Variants in SLC26A4 observed in about 807,000 individuals in gnomAD.
The protein encoded by SLC26A4 is solute carrier family 26 member 4.
Under a neutral mutation model 90.4 loss-of-function variants are expected in SLC26A4, and 93 were observed. The observed-to-expected ratio is 1.03, with a 90% CI of 0.87 to 1.22. The LOEUF (loss-of-function observed/expected upper bound fraction) is 1.22. Among genes scored for constraint, SLC26A4 ranks in the 50% most tolerant of loss-of-function variants. The pLI, the probability that SLC26A4 is intolerant of heterozygous loss-of-function variation, is 0.00. For synonymous variants in SLC26A4, 393 were observed against 354.6 expected (o/e 1.11, Z -1.22); for missense variants, 1,127 against 946.2 (o/e 1.19, Z -2.51).
At chr7:107,686,408 T>TCTTA (rs1791414519) in intron 8 of SLC26A4, among the ~76,000 whole-genome samples, 2 of 40,710 alleles carry the variant, frequency 4.9e-5, no homozygotes, top group South Asian at 7.8e-4. Flanking sequence ...CTCTCTTTTT[T>TCTTA]CTTTCTTTCT....
chr7:107,673,856 G>A (rs1028117230), intron 4 of SLC26A4, among the ~76,000 whole-genome samples: 8 of 152,080 alleles, frequency 5.3e-5, no homozygotes, highest in Non-Finnish European at 8.8e-5. Flanking sequence ...AGCCTCCCGA[G>A]TAGCTGGGAC....
At chr7:107,685,712 G>C (rs1213781627) in intron 8 of SLC26A4, among the ~76,000 whole-genome samples, 1 of 152,162 alleles carries the variant, frequency 6.6e-6, no homozygotes, top group African/African-American at 2.4e-5. Context: ...CCCATCCTGG[G>C]TGCTTTCTTA....
intron 18 of SLC26A4, 99 bp downstream of exon 18, chr7:107,704,484 T>A: frequency 1.6e-6 from 1 of 636,580 alleles, no homozygotes. Flanking sequence ...GCCTTTTTTT[T>A]TTTTCTTTTA....
At chr7:107,694,044 G>T (rs1584329321) in intron 10 of SLC26A4, among the ~76,000 whole-genome samples, 1 of 152,128 alleles carries the variant, frequency 6.6e-6, no homozygotes, top group African/African-American at 2.4e-5. Context: ...TGGGAAAGGG[G>T]GGATTGGTCC....
Position 107,717,002 on chromosome 7 carries a change from T to G in SLC26A4, c.*1556T>G, listed in dbSNP as rs1344798434. 4 of 152,186 alleles carry G rather than the reference T, an allele frequency of 2.6e-5. No homozygotes were observed. The highest frequency in any genetic ancestry group is 9.7e-5 in the African/African-American group (4 of 41,436). The allele number at this position is 152,186 out of a possible 1,614,324, so 9.4% of individuals were successfully genotyped here. A position where few individuals can be genotyped will look rare whatever the true frequency, so the allele number is the denominator to read the frequency against. Reference sequence around the variant, plus strand: ...AATCTGGTTACAGCATAACTAGGATTATAATGCTGCCTCATTTTCACAGCA... The same window carrying G: ...AATCTGGTTACAGCATAACTAGGATGATAATGCTGCCTCATTTTCACAGCA... On this transcript the variant is annotated 3_prime_UTR_variant, in exon 21 of 21. Transcript: ENST00000644269.
intron 2 of SLC26A4, among the ~76,000 whole-genome samples, chr7:107,662,834 G>A (rs1005916987): frequency 2.6e-5 from 4 of 152,110 alleles, no homozygotes; most frequent in East Asian, 3.8e-4. Flanking sequence ...CAAGGTATAA[G>A]GTATACATTC....
intron 4 of SLC26A4, among the ~76,000 whole-genome samples, chr7:107,672,786 C>G (rs542924111): frequency 1.3e-5 from 2 of 152,266 alleles, no homozygotes; most frequent in African/African-American, 2.4e-5. Flanking sequence ...GCTTGGCTTT[C>G]TTTCTTGGTA....
At chr7:107,688,153 G>C (rs1186654236) in intron 8 of SLC26A4, among the ~76,000 whole-genome samples, 2 of 152,158 alleles carry the variant, frequency 1.3e-5, no homozygotes, top group Non-Finnish European at 2.9e-5. Flanking sequence ...CAAGACAAGA[G>C]TGGTGGATTC....
At chr7:107,691,524 C>T (rs957690160) in intron 10 of SLC26A4, among the ~76,000 whole-genome samples, 3 of 87,280 alleles carry the variant, frequency 3.4e-5, no homozygotes, top group African/African-American at 1.1e-4. Flanking sequence ...TACACACACA[C>T]ACACACACAC....
Position 107,672,154 on chromosome 7 carries a change from A to G in SLC26A4, c.321A>G (p.Leu107=), listed in dbSNP as rs780863907. The G allele has an allele frequency of 1.5e-5, 24 of 1,610,758 alleles. No individual in the cohort carries two copies. In the South Asian group the frequency reaches 2.4e-4, roughly 16 times the overall value. Reference sequence around the variant, plus strand: ...TGCTTTCAGGGATGGCATATGCCCTACTAGCTGCAGTTCCTGTCGGATATG... The same window carrying G: ...TGCTTTCAGGGATGGCATATGCCCTGCTAGCTGCAGTTCCTGTCGGATATG... ...VATLQGMAYA[L]LAAVPVGYGL... The change falls in exon 4 of 21, where the codon CTA becomes CTG. Residue 107 remains leucine, a synonymous_variant. Transcript: ENST00000644269.
intron 6 of SLC26A4, among the ~76,000 whole-genome samples, chr7:107,677,272 T>A (rs1290380671): frequency 2.0e-5 from 3 of 152,174 alleles, no homozygotes; most frequent in African/African-American, 7.2e-5. Context: ...GGCATCTTGG[T>A]TCTCCACCCA....
At chr7:107,714,432 G>T (rs1792284751) in intron 20 of SLC26A4, among the ~76,000 whole-genome samples, 1 of 152,186 alleles carries the variant, frequency 6.6e-6, no homozygotes, top group African/African-American at 2.4e-5. Flanking sequence ...CATTGCTAGA[G>T]TGAAAATCAC....
chr7:107,694,679 A>T lies in SLC26A4; in HGVS notation c.1400A>T (p.Asp467Val), dbSNP rs1330228171. ...NLKGMFMQLCDIPRLWRQNKI... is the reference protein window; with the variant it reads ...NLKGMFMQLCVIPRLWRQNKI... ...AAAGGGATGTTTATGCAGCTGTGTG[A>T]CATTCCTCGTCTGTGGAGACAGAAT... Residue 467 changes from aspartate (D) to valine (V), a missense_variant, in exon 12 of 21, where the codon GAC becomes GTC. By Grantham distance (152) the Asp-to-Val change is radical. Transcript: ENST00000644269. 1 of 1,613,526 alleles carries T rather than the reference A, an allele frequency of 6.2e-7. No homozygotes were observed. Among genetic ancestry groups the T allele is most frequent in the East Asian group, 2.2e-5 (1 of 44,882 alleles).
Position 107,674,151 on chromosome 7 carries a change from T to C in SLC26A4, c.416-13T>C, listed in dbSNP as rs77553387. 8.4e-4 allele frequency: 1,348 copies of C among 1,609,800 alleles called. 12 individuals carry two copies. In the African/African-American group the frequency reaches 0.015, roughly 18 times the overall value. On this transcript the variant is annotated splice_polypyrimidine_tract_variant and intron_variant, in intron 4 of 20. Transcript: ENST00000644269. ...TAATAACTGATTAATTGTTAGAGAC[T>C]TTTTTTCCCCAGGACCTTTTCCAGT...
chr7:107,674,582 G>A (rs1329167059), intron 5 of SLC26A4, among the ~76,000 whole-genome samples: 1 of 152,168 alleles, frequency 6.6e-6, no homozygotes, highest in African/African-American at 2.4e-5. Flanking sequence ...AGAAGAACAT[G>A]TGTGATTCAA....
At chr7:107,693,180 G>C in intron 10 of SLC26A4, 1 of 420,104 alleles carries the variant, frequency 2.4e-6, no homozygotes, top group Non-Finnish European at 3.2e-6. Context: ...GGAAAGCGAA[G>C]AGAAGGGAGG....
chr7:107,689,975 C>T (rs1791521390), intron 9 of SLC26A4, 149 bp from the exon 10 acceptor site: 1 of 699,668 alleles, frequency 1.4e-6, no homozygotes. Flanking sequence ...TACAAGGACC[C>T]CAAGTACCTA....
In SLC26A4 at chr7:107,704,350, G is replaced by A. The variant is rs1194291261; in HGVS notation, c.2054G>A (p.Arg685Lys). The stretch of plus-strand genomic sequence containing the variant: ...TTTTAGATTGTCAAAGAATTCCAAA[G>A]AATTGATGTGAATGTGTATTTTGCA... ...SLRVIVKEFQ[R>K]IDVNVYFASL... Residue 685 changes from arginine (R) to lysine (K), a missense_variant, in exon 18 of 21, where the codon AGA becomes AAA. Transcript: ENST00000644269. The A allele has an allele frequency of 7.2e-7, 1 of 1,389,712 alleles. No homozygotes were observed. The highest frequency in any genetic ancestry group is 1.4e-5 in the African/African-American group (1 of 70,938). 86.1% of individuals were successfully genotyped at this position (1,389,712 alleles called of 1,614,324 possible).
chr7:107,697,874 A>G (rs1791783004), intron 13 of SLC26A4, among the ~76,000 whole-genome samples, 168 bp from the exon 14 acceptor site: 1 of 152,216 alleles, frequency 6.6e-6, no homozygotes, highest in Non-Finnish European at 1.5e-5. Flanking sequence ...GATTCCACAC[A>G]AACACCAGCT....
Sources: allele counts gnomAD v4.1 joint callset (sites outside exome capture counted in the v4.1 genomes callset), GRCh38; gene constraint gnomAD v4.1.1; transcripts MANE v1.5; gene names NCBI Gene and HGNC (gene_info 2026-07-23, HGNC 2026-07-21).